Variants in PAOX observed in about 807,000 individuals in gnomAD.
The protein encoded by PAOX is peroxisomal N(1)-acetyl-spermine/spermidine oxidase.
In PAOX, 38 loss-of-function variants were observed where a neutral mutation model predicts 39.0. That is an observed-to-expected ratio of 0.97 (90% confidence interval 0.75 to 1.28). The LOEUF (loss-of-function observed/expected upper bound fraction) is 1.28. Among genes scored for constraint, PAOX ranks in the 50% most tolerant of loss-of-function variants. The pLI is 0.00. For missense variants in PAOX, 667 were observed against 685.7 expected (o/e 0.97, Z 0.30); for synonymous variants, 311 against 314.4 (o/e 0.99, Z 0.11).
Position 133,379,375 on chromosome 10 carries a change from G to A in PAOX, c.59G>A (p.Gly20Asp). Residue 20 changes from glycine to aspartate, a missense_variant, in exon 1 of 7, where the codon GGC becomes GAC. Transcript: ENST00000278060. ...GGCGGACCCCGGGTGCTGGTGGTGG[G>A]CGGCGGCATCGCGGGGCTGGGCGCG... ...APGGPRVLVV[G>D]GGIAGLGAAQ... The A allele has an allele frequency of 1.6e-6, 2 of 1,220,312 alleles. No individual in the cohort carries two copies. The highest frequency in any genetic ancestry group is 1.0e-6 in the Non-Finnish European group (1 of 980,818). The allele number at this position is 1,220,312 out of a possible 1,614,324, so 75.6% of individuals were successfully genotyped here. A position where few individuals can be genotyped will look rare whatever the true frequency, so the allele number is the denominator to read the frequency against.
At chr10:133,387,269 G>A (rs886526622) in intron 4 of PAOX, among the ~76,000 whole-genome samples, 2 of 151,856 alleles carry the variant, frequency 1.3e-5, no homozygotes, top group African/African-American at 4.8e-5. Flanking sequence ...ACAGAGGGAG[G>A]CCATGTCTTA....
rs1181712314 is a variant in PAOX, at chr10:133,380,065, T to G, written c.248T>G (p.Leu83Arg). 1 of 1,528,864 alleles carries G rather than the reference T, an allele frequency of 6.5e-7. No homozygotes were observed. The highest frequency in any genetic ancestry group is 8.8e-7 in the Non-Finnish European group (1 of 1,141,236). 94.7% of individuals were successfully genotyped at this position (1,528,864 alleles called of 1,614,324 possible). A position where few individuals can be genotyped will look rare whatever the true frequency, so the allele number is the denominator to read the frequency against. ...TCCCGGGGTAACCCCGTCTTCCAGC[T>G]GGCTGCTGAGTACGGGCTGCTGGGG... ...GPSRGNPVFQ[L>R]AAEYGLLGEK... The change falls in exon 2 of 7, where the codon CTG becomes CGG. Residue 83 changes from leucine to arginine, a missense_variant. Leu to Arg is a moderately radical substitution (Grantham distance 102). Coordinates refer to ENST00000278060, the MANE Select transcript of PAOX (RefSeq NM_152911.4).
intron 2 of PAOX, 136 bp from the exon 3 acceptor site, chr10:133,381,324 T>A: frequency 1.4e-6 from 1 of 728,752 alleles, no homozygotes; most frequent in South Asian, 1.8e-5. Flanking sequence ...GGAGCTGACC[T>A]CCTTGCTGGC....
At position 133,389,647 on chromosome 10, in the gene PAOX, C is replaced by T. The variant is rs778819917; in HGVS notation, c.1292C>T (p.Pro431Leu). ...CTGCGGTCTCGCTGGCACAGCGCCC[C>T]GTACACTAGGGGGTCCTACAGCTAC... The part of the protein sequence containing the change: ...SVLRSRWHSA[P>L]YTRGSYSYVA... The change falls in exon 6 of 7, where the codon CCG (proline) becomes CTG (leucine). Residue 431 changes from proline (P) to leucine (L), a missense_variant. Physicochemically the swap from Pro to Leu is moderately conservative, Grantham distance 98 (BLOSUM62 -3). Coordinates refer to ENST00000278060, the MANE Select transcript of PAOX (RefSeq NM_152911.4). The T allele has an allele frequency of 1.5e-5, 24 of 1,613,344 alleles. No individual in the cohort carries two copies. Among genetic ancestry groups the T allele is most frequent in the Admixed American group, 1.0e-4 (6 of 59,998 alleles).
chr10:133,381,371 T>A, intron 2 of PAOX, 89 bp from the exon 3 acceptor site: 3 of 1,269,466 alleles, frequency 2.4e-6, no homozygotes, highest in Non-Finnish European at 3.4e-6. Context: ...CTACCTTTGA[T>A]GCGGGTGGGA....
In PAOX at chr10:133,391,534, C is replaced by T. The variant is rs770811717; in HGVS notation, c.*79C>T. 1.1e-5 allele frequency: 17 copies of T among 1,512,234 alleles called. No homozygotes were observed. The highest frequency in any genetic ancestry group is 1.8e-6 in the Non-Finnish European group (2 of 1,132,618). The allele number at this position is 1,512,234 out of a possible 1,614,324, so 93.7% of individuals were successfully genotyped here. On this transcript the variant is annotated 3_prime_UTR_variant, in exon 7 of 7. Coordinates refer to ENST00000278060, the MANE Select transcript of PAOX (RefSeq NM_152911.4). ...TTTCTTCTGACAGATTTCAGTCTGGCTTGAAATTTGGGGATGTTAATGAGG... is the reference window on the plus strand; with the variant it reads ...TTTCTTCTGACAGATTTCAGTCTGGTTTGAAATTTGGGGATGTTAATGAGG...
rs1849318117 is a variant in PAOX at position 133,380,121 on chromosome 10, G to A, written c.304G>A (p.Val102Met). 1.3e-6 allele frequency: 2 copies of A among 1,578,166 alleles called. No homozygotes were observed. The highest frequency in any genetic ancestry group is 2.7e-5 in the African/African-American group (2 of 74,228). ...EKELSQENQLVETGGHVGLPS... is the reference protein window; with the variant it reads ...EKELSQENQLMETGGHVGLPS... ...GGAGCTGTCCCAGGAGAACCAGCTG[G>A]TGGAGACCGGGGGTCACGTGGGCCT... is the stretch of plus-strand genomic sequence containing the variant. Residue 102 changes from valine to methionine, a missense_variant, in exon 2 of 7, where the codon GTG becomes ATG. Physicochemically the swap from Val to Met is conservative, Grantham distance 21. Coordinates refer to ENST00000278060, the MANE Select transcript of PAOX (RefSeq NM_152911.4).
chr10:133,384,351 C>G lies in PAOX; in HGVS notation c.1121+139C>G. 1 of 1,347,510 alleles carries G rather than the reference C, an allele frequency of 7.4e-7. No individual in the cohort carries two copies. Among genetic ancestry groups the G allele is most frequent in the Non-Finnish European group, 1.0e-6 (1 of 990,782 alleles). The allele number at this position is 1,347,510 out of a possible 1,614,324, so 83.5% of individuals were successfully genotyped here. On this transcript the variant is annotated intron_variant, in intron 4 of 6. Coordinates refer to ENST00000278060, the MANE Select transcript of PAOX (RefSeq NM_152911.4). This position sits in a 1 kb window ranked among gnomAD's most constrained non-coding sequence, Gnocchi z 4.3. ...TAGGGTTCCCATGAGCGCCCCCCCA[C>G]CAGGTGCTGGCTGCACCTGGGCCTG...
chr10:133,381,363 A>T, intron 2 of PAOX, 97 bp from the exon 3 acceptor site: 2 of 1,179,356 alleles, frequency 1.7e-6, no homozygotes, highest in South Asian at 1.4e-5. Context: ...CCCCGCAGCT[A>T]CCTTTGATGC....
chr10:133,381,777 A>T (rs1255177273), intron 3 of PAOX, 118 bp downstream of exon 3: 2 of 996,322 alleles, frequency 2.0e-6, no homozygotes, highest in Admixed American at 4.7e-5. Flanking sequence ...TCGTTCTAGT[A>T]AGTTCCAGAT....
rs534782987 is a variant in PAOX at position 133,387,846 on chromosome 10, G to A, written c.1122-1110G>A. Among the ~76,000 whole-genome samples the A allele has an allele frequency of 1.6e-3, 250 of 152,280 alleles. 1 individual carries two copies. The highest frequency in any genetic ancestry group is 2.8e-3 in the Non-Finnish European group (189 of 68,026). The stretch of plus-strand genomic sequence containing the variant: ...TGCCATTCTCCTGCCTCAACCTGCC[G>A]AGTAGCTGGGACTACAGGTGCCCGC... On this transcript the variant is annotated intron_variant, in intron 4 of 6. Coordinates refer to ENST00000278060, the MANE Select transcript of PAOX (RefSeq NM_152911.4).
At chr10:133,385,249 T>G (rs569761821) in intron 4 of PAOX, among the ~76,000 whole-genome samples, 28 of 152,144 alleles carry the variant, frequency 1.8e-4, no homozygotes, top group African/African-American at 6.5e-4. Flanking sequence ...TGAGCTGAGA[T>G]TGTGCCACTG....
chr10:133,390,410 C>CCACACA (rs59249557), intron 6 of PAOX, among the ~76,000 whole-genome samples: 158 of 145,432 alleles, frequency 1.1e-3, no homozygotes, highest in African/African-American at 3.4e-3. Flanking sequence ...GAGTCGGTCT[C>CCACACA]CACACACACA....
At chr10:133,379,954 T>G (rs1849308151) in intron 1 of PAOX, 45 bp from the exon 2 acceptor site, 1 of 1,503,070 alleles carries the variant, frequency 6.7e-7, no homozygotes, top group African/African-American at 1.4e-5. Context: ...GGGGTGACCC[T>G]TCTAGGAAAG....
intron 1 of PAOX, 191 bp from the exon 2 acceptor site, chr10:133,379,808 G>A: frequency 7.1e-6 from 5 of 705,728 alleles, no homozygotes; most frequent in Non-Finnish European, 1.1e-5. Flanking sequence ...CGCCCGACAA[G>A]TGCCCTCCTG....
chr10:133,389,598 C>A lies in PAOX; in HGVS notation c.1243C>A (p.Arg415=). The A allele has an allele frequency of 6.2e-7, 1 of 1,613,826 alleles. No homozygotes were observed. The highest frequency in any genetic ancestry group is 8.5e-7 in the Non-Finnish European group (1 of 1,180,006). The change falls in exon 6 of 7, where the codon CGG becomes AGG. Residue 415 remains arginine, a synonymous_variant. Coordinates refer to ENST00000278060, the MANE Select transcript of PAOX (RefSeq NM_152911.4). ...QVLRRVTGNP[R]LPAPKSVLRS... is the part of the protein sequence containing the mutation. Reference sequence around the variant, plus strand: ...GTGTCTCTGTGGCTCAGGAAACCCACGGCTCCCCGCGCCCAAGAGCGTCCT... The same window carrying A: ...GTGTCTCTGTGGCTCAGGAAACCCAAGGCTCCCCGCGCCCAAGAGCGTCCT...
At position 133,391,492 on chromosome 10, in the gene PAOX, G is replaced by T. The variant is rs915602366; in HGVS notation, c.*37G>T. The T allele has an allele frequency of 5.7e-6, 9 of 1,574,036 alleles. No individual in the cohort carries two copies. Among genetic ancestry groups the T allele is most frequent in the Admixed American group, 1.9e-5 (1 of 52,800 alleles). On this transcript the variant is annotated 3_prime_UTR_variant, in exon 7 of 7. Coordinates refer to ENST00000278060, the MANE Select transcript of PAOX (RefSeq NM_152911.4). ...CTACTCTGTTCCACCCGTGTCGGGG[G>T]TAGGCTGGGACCCTCATTTCTTCTG...
At chr10:133,385,629 A>G (rs1019089499) in intron 4 of PAOX, among the ~76,000 whole-genome samples, 7 of 152,018 alleles carry the variant, frequency 4.6e-5, no homozygotes, top group Non-Finnish European at 7.4e-5. Context: ...TGTCCCCCAG[A>G]CTGGAGTGCA....
At chr10:133,381,072 G>T (rs565714427) in intron 2 of PAOX, among the ~76,000 whole-genome samples, 1 of 152,372 alleles carries the variant, frequency 6.6e-6, no homozygotes, top group East Asian at 1.9e-4. Flanking sequence ...CCCTCTCCCT[G>T]TGGCAGGGTG....
Sources: allele counts gnomAD v4.1 joint callset (sites outside exome capture counted in the v4.1 genomes callset), GRCh38; gene constraint gnomAD v4.1.1; non-coding constraint Gnocchi (gnomAD v3.1); transcripts MANE v1.5; gene names NCBI Gene and HGNC (gene_info 2026-07-23, HGNC 2026-07-21).